The following HIPK1 variants were observed in gnomAD, a reference collection of about 807,000 sequenced individuals.
HIPK1 encodes the protein homeodomain-interacting protein kinase 1.
Under a neutral mutation model 117.1 loss-of-function variants are expected in HIPK1, and 28 were observed. The ratio of observed to expected loss-of-function variants is 0.24; its 90% CI spans 0.18 to 0.33. The LOEUF (loss-of-function observed/expected upper bound fraction) is 0.33. Ranked by LOEUF, HIPK1 falls within the 10% of genes least tolerant of loss-of-function variation. The pLI is 1.00. For synonymous variants in HIPK1, 605 were observed against 562.5 expected (o/e 1.08, Z -1.07); for missense variants, 1,122 against 1,475.1 (o/e 0.76, Z 3.92).
rs139671342 is a variant in HIPK1 at position 113,939,888 on chromosome 1, A to G, written c.-2-494A>G. On this transcript the variant is annotated intron_variant, in intron 1 of 15. Coordinates refer to ENST00000426820, the MANE Select transcript of HIPK1 (RefSeq NM_198268.3). ...TGGACTGTTCTTACATCCTTTCCTC[A>G]TATTTTTCTGCTAACTTTCCTCGGT... is the stretch of plus-strand genomic sequence containing the variant. 1.8e-3 allele frequency among the ~76,000 whole-genome samples: 275 copies of G among 151,064 alleles called. 1 individual carries two copies. The highest frequency in any genetic ancestry group is 6.5e-3 in the African/African-American group (267 of 41,076).
chr1:113,934,943 C>G (rs1392363487), intron 1 of HIPK1, among the ~76,000 whole-genome samples: 1 of 140,322 alleles, frequency 7.1e-6, no homozygotes, highest in East Asian at 2.1e-4. Context: ...GAGCTGTGAT[C>G]ACACCACTGC....
chr1:113,953,506 T>C (rs1170423802), intron 3 of HIPK1, among the ~76,000 whole-genome samples: 1 of 152,194 alleles, frequency 6.6e-6, no homozygotes, highest in Non-Finnish European at 1.5e-5. Context: ...TCATTTCTTG[T>C]TATTTTTTCT....
chr1:113,950,623 C>A (rs1450574950), intron 2 of HIPK1, among the ~76,000 whole-genome samples: 2 of 152,060 alleles, frequency 1.3e-5, no homozygotes, highest in Admixed American at 1.3e-4. Context: ...CTTGCCTCAG[C>A]CTCTGAGTAG....
chr1:113,962,532 A>C (rs1672196096), intron 9 of HIPK1, 94 bp downstream of exon 9: 1 of 1,266,564 alleles, frequency 7.9e-7, no homozygotes, highest in Admixed American at 2.4e-5. Context: ...TTTGACTATA[A>C]GATCTTTCTT....
At position 113,968,596 on chromosome 1, in the gene HIPK1, A is replaced by T; in HGVS notation, c.2719A>T (p.Thr907Ser). 3 of 1,614,114 alleles carry T rather than the reference A, an allele frequency of 1.9e-6. No homozygotes were observed. The highest frequency in any genetic ancestry group is 2.5e-6 in the Non-Finnish European group (3 of 1,179,972). Residue 907 changes from threonine (T) to serine (S), a missense_variant, in exon 13 of 16, where the codon ACT becomes TCT. This residue lies in a region of HIPK1 where 731 missense variants were observed against 860.4 expected (regional missense o/e 0.85). Transcript: ENST00000426820. ...TCCCAGCCCTCCTGTGAGTGTCATC[A>T]CTATCCGAAGTGACACTGATGAGGA... Reference protein sequence around the residue: ...DTPSPPVSVITIRSDTDEEED... With the variant: ...DTPSPPVSVISIRSDTDEEED...
At chr1:113,938,129 CTT>C (rs565973812) in intron 1 of HIPK1, among the ~76,000 whole-genome samples, 6 of 131,252 alleles carry the variant, frequency 4.6e-5, no homozygotes, top group Non-Finnish European at 4.9e-5. Flanking sequence ...TTACACTTGG[CTT>C]TTTTTTTTTT....
chr1:113,938,896 T>G (rs1670430846), intron 1 of HIPK1, among the ~76,000 whole-genome samples: 8 of 112,382 alleles, frequency 7.1e-5, no homozygotes, highest in African/African-American at 1.1e-4. Flanking sequence ...GGCTACAGAG[T>G]GAGACTCTGT....
chr1:113,965,026 T>C (rs866377126), intron 10 of HIPK1, among the ~76,000 whole-genome samples: 1 of 152,252 alleles, frequency 6.6e-6, no homozygotes, highest in African/African-American at 2.4e-5. Flanking sequence ...ATACTTCTTT[T>C]ATTTTTTGTT....
Position 113,970,081 on chromosome 1 carries a change from G to T in HIPK1, c.2897G>T (p.Gly966Val). 6.2e-7 allele frequency: 1 copy of T among 1,614,162 alleles called. No homozygotes were observed. Among genetic ancestry groups the T allele is most frequent in the Non-Finnish European group, 8.5e-7 (1 of 1,180,038 alleles). The stretch of plus-strand genomic sequence containing the variant: ...CTGAGTGCTCTCCGAGGCAATAGTG[G>T]ATCCGTTTTGGAGGGGCCTGGCAGA... ...DTLSALRGNS[G>V]SVLEGPGRVV... The change falls in exon 14 of 16, where the codon GGA (glycine) becomes GTA (valine). Residue 966 changes from glycine (G) to valine (V), a missense_variant. Gly to Val is a moderately radical substitution (Grantham distance 109). This residue lies in a region of HIPK1 where 731 missense variants were observed against 860.4 expected (regional missense o/e 0.85). Transcript: ENST00000426820.
Position 113,976,179 on chromosome 1 carries a change from G to C in HIPK1, c.*2667G>C, listed in dbSNP as rs1180443635. 6.5e-6 allele frequency: 1 copy of C among 152,736 alleles called. No homozygotes were observed. Among genetic ancestry groups the C allele is most frequent in the African/African-American group, 2.4e-5 (1 of 41,442 alleles). The allele number at this position is 152,736 out of a possible 1,614,324, so 9.5% of individuals were successfully genotyped here. Reference sequence around the variant, plus strand: ...AGTCCGTACAGCCTACCAGGAACATGTTGTGTTTTCTTTATTTTTTAAAAT... The same window carrying C: ...AGTCCGTACAGCCTACCAGGAACATCTTGTGTTTTCTTTATTTTTTAAAAT... On this transcript the variant is annotated 3_prime_UTR_variant, in exon 16 of 16. Transcript: ENST00000426820.
intron 2 of HIPK1, among the ~76,000 whole-genome samples, chr1:113,947,676 TAAA>T (rs992946147): frequency 2.0e-5 from 3 of 152,206 alleles, no homozygotes; most frequent in Admixed American, 6.5e-5. Flanking sequence ...TTTTTCAACT[TAAA>T]GAAGTTTGAA....
intron 2 of HIPK1, among the ~76,000 whole-genome samples, chr1:113,948,581 C>CT (rs1342494696): frequency 2.3e-4 from 35 of 150,920 alleles, no homozygotes. Flanking sequence ...AACTGCTTTC[C>CT]TTTTTTTGTT....
chr1:113,951,554 G>A lies in HIPK1; in HGVS notation c.1077-1212G>A, dbSNP rs114048354. ...TTCCCTAGCATTTTATTTCTCACTT[G>A]GACTGTTAATGAATATTTCTAAAAA... is the stretch of plus-strand genomic sequence containing the variant. On this transcript the variant is annotated intron_variant, in intron 2 of 15. Coordinates refer to ENST00000426820, the MANE Select transcript of HIPK1 (RefSeq NM_198268.3). Among the ~76,000 whole-genome samples, 207 of 152,166 alleles carry A rather than the reference G, an allele frequency of 1.4e-3. 2 individuals are homozygous for A. Among genetic ancestry groups the A allele is most frequent in the African/African-American group, 4.5e-3 (186 of 41,506 alleles).
intron 2 of HIPK1, chr1:113,951,073 ATACT>A (rs1469172556): frequency 8.8e-6 from 2 of 227,548 alleles, no homozygotes; most frequent in East Asian, 3.6e-4. Context: ...CATCATAATA[ATACT>A]TTGATAGGAT....
chr1:113,943,758 A>G (rs1298193911), intron 2 of HIPK1, among the ~76,000 whole-genome samples: 1 of 152,224 alleles, frequency 6.6e-6, no homozygotes, highest in African/African-American at 2.4e-5. Context: ...GTGGATGTGC[A>G]TTCCAAATTT....
chr1:113,949,781 G>T (rs1341354686), intron 2 of HIPK1, among the ~76,000 whole-genome samples: 1 of 151,950 alleles, frequency 6.6e-6, no homozygotes, highest in African/African-American at 2.4e-5. Context: ...TATATTTTTA[G>T]TAGAGATGGG....
chr1:113,970,218 T>C (rs111804436), intron 14 of HIPK1, 21 bp downstream of exon 14: 10 of 1,612,488 alleles, frequency 6.2e-6, no homozygotes, highest in Non-Finnish European at 7.6e-6. Context: ...TCTTCACAGC[T>C]TGAGTTGAAT....
At chr1:113,962,258 C>T in intron 8 of HIPK1, 59 bp from the exon 9 acceptor site, 1 of 1,559,900 alleles carries the variant, frequency 6.4e-7, no homozygotes, top group Non-Finnish European at 8.7e-7. Flanking sequence ...ACAAAATAAT[C>T]TTAAAACAGT....
At chr1:113,943,411 A>T (rs1019544918) in intron 2 of HIPK1, among the ~76,000 whole-genome samples, 2 of 152,154 alleles carry the variant, frequency 1.3e-5, no homozygotes, top group Admixed American at 1.3e-4. Flanking sequence ...AGTTTATTTC[A>T]CTTAGTGTAA....
Sources: gnomAD v4.1 joint callset for allele counts (sites outside exome capture counted in the v4.1 genomes callset) on GRCh38, gnomAD v4.1.1 for gene constraint, gnomAD v4.1.1 regional missense constraint, MANE v1.5 for transcripts, NCBI Gene and HGNC (gene_info 2026-07-23, HGNC 2026-07-21) for gene names.